The following LIMCH1 variants were observed in gnomAD, a reference collection of about 807,000 sequenced individuals.
LIMCH1 encodes LIM and calponin homology domains 1.
LIMCH1 carries 113 observed loss-of-function variants against 176.5 expected under a neutral mutation model. The observed-to-expected ratio is 0.64, with a 90% confidence interval of 0.55 to 0.75. LIMCH1 has a LOEUF of 0.75. LIMCH1 is among the 30% of genes least tolerant of loss of function. LIMCH1 has a pLI of 0.00. For missense variants in LIMCH1, 1,674 were observed against 1,814.9 expected (o/e 0.92, Z 1.41); for synonymous variants, 619 against 645.9 (o/e 0.96, Z 0.63).
intron 1 of LIMCH1, among the ~76,000 whole-genome samples, chr4:41,567,953 G>A (rs1048568742): frequency 1.5e-4 from 23 of 152,144 alleles, no homozygotes; most frequent in African/African-American, 5.6e-4. Flanking sequence ...AGGAGTTCGA[G>A]ACCAGCTTGG....
intron 1 of LIMCH1, among the ~76,000 whole-genome samples, chr4:41,455,906 T>C (rs7696363): frequency 6.6e-6 from 1 of 152,092 alleles, no homozygotes; most frequent in Admixed American, 6.5e-5. Flanking sequence ...TACTAACACA[T>C]AAGAAATCTC....
intron 2 of LIMCH1, among the ~76,000 whole-genome samples, chr4:41,504,522 TC>T (rs1361828775): frequency 6.6e-6 from 1 of 152,230 alleles, no homozygotes; most frequent in Non-Finnish European, 1.5e-5. Context: ...CAGTGGTGCT[TC>T]CCACTCGTGG....
chr4:41,692,427 G>A (rs773002197), intron 31 of LIMCH1, 43 bp downstream of exon 31: 13 of 1,246,084 alleles, frequency 1.0e-5, no homozygotes, highest in South Asian at 2.4e-5. Flanking sequence ...GAGTGTAATC[G>A]TATGTCTTCC....
At chr4:41,443,199 T>TC (rs1384887282) in intron 1 of LIMCH1, among the ~76,000 whole-genome samples, 12 of 40,532 alleles carry the variant, frequency 3.0e-4, no homozygotes, top group Non-Finnish European at 3.8e-4. Flanking sequence ...TTTCTTTTTT[T>TC]TTTTTTTTTT....
intron 1 of LIMCH1, among the ~76,000 whole-genome samples, chr4:41,583,395 G>A (rs1157423707): frequency 6.6e-6 from 1 of 152,176 alleles, no homozygotes. Flanking sequence ...AACAGGAACA[G>A]CATATGCAAT....
intron 14 of LIMCH1, 70 bp from the exon 15 acceptor site, chr4:41,644,430 C>A (rs990255609): frequency 7.1e-7 from 1 of 1,410,886 alleles, no homozygotes; most frequent in Non-Finnish European, 9.3e-7. Context: ...CGCGGCAGGA[C>A]GCCCAGGCGC....
intron 2 of LIMCH1, among the ~76,000 whole-genome samples, chr4:41,600,848 A>G (rs1003127655): frequency 6.6e-6 from 1 of 152,138 alleles, no homozygotes; most frequent in African/African-American, 2.4e-5. Flanking sequence ...AAAGGGGAAA[A>G]TGTCACGTAG....
intron 19 of LIMCH1, 96 bp downstream of exon 19, chr4:41,661,606 AAG>A (rs2094623064): frequency 1.1e-6 from 1 of 873,662 alleles, no homozygotes; most frequent in African/African-American, 1.7e-5. Flanking sequence ...AGCCACAGGA[AAG>A]TAGTAATTAG....
intron 9 of LIMCH1, 60 bp from the exon 10 acceptor site, chr4:41,631,088 A>G (rs1418443631): frequency 8.2e-7 from 1 of 1,225,322 alleles, no homozygotes; most frequent in East Asian, 2.8e-5. Flanking sequence ...TTTTTTTTTT[A>G]AAAACCTCTT....
upstream of LIMCH1, among the ~76,000 whole-genome samples, chr4:41,534,297 T>A (rs2077639844): frequency 6.6e-6 from 1 of 152,196 alleles, no homozygotes; most frequent in Non-Finnish European, 1.5e-5. Flanking sequence ...TTAAAAAAGC[T>A]GCCAATTCAA....
chr4:41,654,862 A>T (rs1346400338), intron 18 of LIMCH1, among the ~76,000 whole-genome samples: 1 of 152,096 alleles, frequency 6.6e-6, no homozygotes. Flanking sequence ...ATTATCCCTG[A>T]GATATTTCAG....
chr4:41,503,765 T>C (rs1405033510), intron 2 of LIMCH1, among the ~76,000 whole-genome samples: 5 of 152,138 alleles, frequency 3.3e-5, no homozygotes, highest in Non-Finnish European at 7.4e-5. Context: ...GAGAAAAGCC[T>C]CTCTCCTGAG....
Position 41,471,859 on chromosome 4 carries a change from C to G in LIMCH1, c.97-22677C>G, listed in dbSNP as rs918708799. On this transcript the variant is annotated intron_variant, in intron 1 of 26. Coordinates refer to the LIMCH1 transcript ENST00000313860. ...TAGCTCTGCACACACTCTTTTCTTC[C>G]TGCCCATCTGAGCTCAGCACGCCTT... Among the ~76,000 whole-genome samples, 6 of 152,298 alleles carry G rather than the reference C, an allele frequency of 3.9e-5. No homozygotes were observed. The South Asian group carries it at 8.3e-4, about 21-fold the overall frequency.
chr4:41,682,966 C>T (rs1296892776), intron 26 of LIMCH1, among the ~76,000 whole-genome samples: 2 of 152,152 alleles, frequency 1.3e-5, no homozygotes, highest in African/African-American at 2.4e-5. Context: ...TGTGAGCCAC[C>T]ATGCCTGGCC....
chr4:41,423,222 T>C (rs1285630672), intron 1 of LIMCH1, among the ~76,000 whole-genome samples: 2 of 152,308 alleles, frequency 1.3e-5, no homozygotes, highest in East Asian at 3.9e-4. Flanking sequence ...AGCCGCAAAC[T>C]TATGTTCTGG....
At chr4:41,559,569 A>G (rs2081784649) in intron 1 of LIMCH1, among the ~76,000 whole-genome samples, 1 of 152,072 alleles carries the variant, frequency 6.6e-6, no homozygotes. Flanking sequence ...ACTCGTTGCA[A>G]AAATAGTCTC....
chr4:41,467,652 T>TG (rs1192537059), intron 1 of LIMCH1, among the ~76,000 whole-genome samples: 1 of 152,164 alleles, frequency 6.6e-6, no homozygotes, highest in Non-Finnish European at 1.5e-5. Flanking sequence ...GAGATTTGGG[T>TG]GGGGACACAG....
chr4:41,551,564 G>A (rs1340893522), intron 1 of LIMCH1, among the ~76,000 whole-genome samples: 1 of 152,158 alleles, frequency 6.6e-6, no homozygotes, highest in East Asian at 1.9e-4. Context: ...TGAAGCCGAG[G>A]TCAAGGAACT....
chr4:41,509,146 C>A (rs145408159), intron 2 of LIMCH1, among the ~76,000 whole-genome samples: 23 of 152,306 alleles, frequency 1.5e-4, no homozygotes, highest in African/African-American at 5.3e-4. Flanking sequence ...GAAGCTGGGA[C>A]TGACCTCAGC....
Sources: gnomAD v4.1 joint callset for allele counts (sites outside exome capture counted in the v4.1 genomes callset) on GRCh38, gnomAD v4.1.1 for gene constraint, MANE v1.5 for transcripts, NCBI Gene and HGNC (gene_info 2026-07-23, HGNC 2026-07-21) for gene names.